The following TPO variants were observed in gnomAD, a reference collection of about 807,000 sequenced individuals.
The protein encoded by TPO is thyroid microsomal antigen.
TPO carries 78 observed loss-of-function variants against 96.9 expected under a neutral mutation model. The ratio of observed to expected loss-of-function variants is 0.81; its 90% confidence interval spans 0.67 to 0.97. The LOEUF is 0.97. TPO is among the 50% of genes least tolerant of loss of function. The probability of loss-of-function intolerance (pLI) is 0.00; values close to 1 mark genes in which losing one functional copy is unlikely to be tolerated. For synonymous variants in TPO, 547 were observed against 538.0 expected (o/e 1.02, Z -0.23); for missense variants, 1,252 against 1,274.8 (o/e 0.98, Z 0.27).
intron 15 of TPO, among the ~76,000 whole-genome samples, chr2:1,537,208 C>T (rs1368654623): frequency 6.3e-5 from 7 of 110,896 alleles, no homozygotes; most frequent in African/African-American, 1.6e-4. Flanking sequence ...AATCCCCCCA[C>T]TGTGTGCCAC....
chr2:1,433,880 T>C (rs938396889), intron 4 of TPO, among the ~76,000 whole-genome samples: 3 of 152,212 alleles, frequency 2.0e-5, no homozygotes, highest in Non-Finnish European at 4.4e-5. Flanking sequence ...CCATTTTTTA[T>C]GGTATAAAAT....
chr2:1,490,704 G>C (rs963468157), intron 10 of TPO, among the ~76,000 whole-genome samples: 1 of 152,164 alleles, frequency 6.6e-6, no homozygotes, highest in African/African-American at 2.4e-5. Flanking sequence ...CACCAGAAAG[G>C]CCACAAACCT....
At chr2:1,471,251 C>T (rs559080188) in intron 7 of TPO, among the ~76,000 whole-genome samples, 1 of 152,250 alleles carries the variant, frequency 6.6e-6, no homozygotes, top group South Asian at 2.1e-4. Flanking sequence ...TGGTTATGGG[C>T]TCAGTTCTGG....
At chr2:1,526,905 T>G (rs1415207697) in intron 15 of TPO, among the ~76,000 whole-genome samples, 3 of 140,894 alleles carry the variant, frequency 2.1e-5, no homozygotes, top group African/African-American at 8.2e-5. Context: ...CCCCGGTGTG[T>G]GCAACCTCCC....
intron 15 of TPO, among the ~76,000 whole-genome samples, chr2:1,530,116 TCTCC>T (rs1270017506): frequency 2.8e-5 from 2 of 70,510 alleles, no homozygotes; most frequent in African/African-American, 6.9e-5. Flanking sequence ...CCTCCCAAAA[TCTCC>T]CTATGCGCAA....
At chr2:1,511,343 G>A (rs4927588) in intron 14 of TPO, among the ~76,000 whole-genome samples, 109 of 460 alleles carry the variant, frequency 0.24, 14 homozygotes, top group African/African-American at 0.31. Context: ...GTGCCACAGC[G>A]CAGCCCTGCA....
chr2:1,403,459 A>C (rs1662201661), intron 1 of TPO, among the ~76,000 whole-genome samples: 1 of 152,238 alleles, frequency 6.6e-6, no homozygotes, highest in East Asian at 1.9e-4. Context: ...GTGGGGCCAC[A>C]GCACAGCCCT....
chr2:1,486,938 C>T (rs1671222598), intron 9 of TPO, among the ~76,000 whole-genome samples: 1 of 152,344 alleles, frequency 6.6e-6, no homozygotes, highest in Non-Finnish European at 1.5e-5. Flanking sequence ...ACACCCAGGT[C>T]ATCCCACACA....
chr2:1,509,200 G>T (rs76740168), intron 14 of TPO, among the ~76,000 whole-genome samples: 12 of 152,202 alleles, frequency 7.9e-5, no homozygotes, highest in African/African-American at 2.9e-4. Flanking sequence ...GCGGTTTTGA[G>T]TGAGTTTCTG....
At chr2:1,376,493 G>A (rs912553992) in intron 1 of TPO, among the ~76,000 whole-genome samples, 13 of 152,166 alleles carry the variant, frequency 8.5e-5, no homozygotes, top group Admixed American at 3.9e-4. Flanking sequence ...GAAGTGAGGC[G>A]TGGTCTCAAC....
At chr2:1,435,636 G>C (rs528466767) in intron 4 of TPO, among the ~76,000 whole-genome samples, 1 of 151,982 alleles carries the variant, frequency 6.6e-6, no homozygotes, top group South Asian at 2.1e-4. Context: ...TTGATTTGTT[G>C]AATAACATAT....
At chr2:1,532,832 A>G (rs1404367464) in intron 15 of TPO, among the ~76,000 whole-genome samples, 3 of 39,134 alleles carry the variant, frequency 7.7e-5, no homozygotes, top group African/African-American at 4.7e-4. Flanking sequence ...CCCACTCTGC[A>G]CAATCTCCCC....
At chr2:1,537,251 TCAAATCCCCCCACTGTGTGCAACCTCCC>T (rs1341049746) in intron 15 of TPO, among the ~76,000 whole-genome samples, 3 of 13,220 alleles carry the variant, frequency 2.3e-4, no homozygotes, top group African/African-American at 3.5e-4. Flanking sequence ...TCGAACCACC[TCAAATCCCCCCACTGTGTGCAACCTCCC>T]CAAATCCCCC....
chr2:1,510,106 C>T (rs980668813), intron 14 of TPO, among the ~76,000 whole-genome samples: 2 of 152,196 alleles, frequency 1.3e-5, no homozygotes, highest in African/African-American at 4.8e-5. Context: ...TCCTCTCTTC[C>T]TTTCAAACCA....
In TPO at chr2:1,505,849, G is replaced by GTT. The variant is rs56300488; in HGVS notation, c.2518+1782_2518+1783dup. Among the ~76,000 whole-genome samples the GTT allele has an allele frequency of 9.8e-3, 1,390 of 141,588 alleles. 16 individuals are homozygous for GTT. Among genetic ancestry groups the GTT allele is most frequent in the African/African-American group, 0.028 (1,058 of 38,452 alleles). The allele number at this position is 141,588 out of a possible 152,430, so 92.9% of individuals were successfully genotyped here. A position where few individuals can be genotyped will look rare whatever the true frequency, so the allele number is the denominator to read the frequency against. On this transcript the variant is annotated intron_variant, in intron 14 of 16. Coordinates refer to ENST00000329066, the MANE Select transcript of TPO (RefSeq NM_001206744.2). Reference sequence around the variant, plus strand: ...AATTCTTGTGGCTTTCTTTTTGGCAGTTTTTTTTTTTTTAGTTTTATTATT... The same window carrying GTT: ...AATTCTTGTGGCTTTCTTTTTGGCAGTTTTTTTTTTTTTTTAGTTTTATTATT...
intron 1 of TPO, among the ~76,000 whole-genome samples, chr2:1,414,009 T>G (rs1041996593): frequency 6.6e-6 from 1 of 152,234 alleles, no homozygotes; most frequent in Admixed American, 6.5e-5. Flanking sequence ...AGACTAAATT[T>G]CTAATAGTAC....
chr2:1,424,387 G>T (rs1219138145), intron 3 of TPO, among the ~76,000 whole-genome samples: 1 of 152,166 alleles, frequency 6.6e-6, no homozygotes. Flanking sequence ...TGCTGGAGGG[G>T]TAGAAGGAGG....
At chr2:1,522,980 AG>A in intron 15 of TPO, among the ~76,000 whole-genome samples, 1 of 130,690 alleles carries the variant, frequency 7.7e-6, no homozygotes. Flanking sequence ...CAACCTCCTC[AG>A]ATCCCTCCCA....
In TPO at chr2:1,423,044, G is replaced by C; in HGVS notation, c.95-1G>C. 1 of 1,614,154 alleles carries C rather than the reference G, an allele frequency of 6.2e-7. No homozygotes were observed. Among genetic ancestry groups the C allele is most frequent in the Non-Finnish European group, 8.5e-7 (1 of 1,179,996 alleles). On this transcript the variant is annotated splice_acceptor_variant, in intron 2 of 16. Transcript: ENST00000329066. LOFTEE classifies it high-confidence loss of function. ...TGACTGTGTGACATTCTGTTCCGTA[G>C]GAAAGCCTGAGGAGTCTCGTGTCTC...
Sources: allele counts gnomAD v4.1 joint callset (sites outside exome capture counted in the v4.1 genomes callset), GRCh38; gene constraint gnomAD v4.1.1; transcripts MANE v1.5; gene names NCBI Gene and HGNC (gene_info 2026-07-23, HGNC 2026-07-21).